Variants in ZBTB20 observed in about 807,000 individuals in gnomAD.
ZBTB20 encodes the protein zinc finger and BTB domain containing 20.
In ZBTB20, 9 loss-of-function variants were observed where a neutral mutation model predicts 56.9. The observed-to-expected ratio is 0.16, with a 90% confidence interval of 0.10 to 0.28. The LOEUF is 0.28. ZBTB20 is among the 10% of genes least tolerant of loss of function. The probability of loss-of-function intolerance (pLI) is 1.00; values close to 1 mark genes in which losing one functional copy is unlikely to be tolerated. For missense variants in ZBTB20, 655 were observed against 1,003.0 expected (o/e 0.65, Z 4.69); for synonymous variants, 417 against 420.7 (o/e 0.99, Z 0.11).
intron 2 of ZBTB20, among the ~76,000 whole-genome samples, chr3:114,979,967 C>T (rs1353620142): frequency 6.6e-6 from 1 of 151,898 alleles, no homozygotes; most frequent in Admixed American, 6.6e-5. Context: ...AGCTGGAGCT[C>T]GAGAGCAACA....
At chr3:114,551,090 C>G (rs906776582) in intron 6 of ZBTB20, among the ~76,000 whole-genome samples, 1 of 152,052 alleles carries the variant, frequency 6.6e-6, no homozygotes, top group Non-Finnish European at 1.5e-5. Context: ...GCATCTGAAA[C>G]AAGGGGGGTT....
At chr3:114,769,647 T>C (rs1317224291) in intron 5 of ZBTB20, among the ~76,000 whole-genome samples, 1 of 147,684 alleles carries the variant, frequency 6.8e-6, no homozygotes, top group Non-Finnish European at 1.5e-5. Flanking sequence ...GCATTTGCAG[T>C]GACCTGGATG....
chr3:114,501,350 C>A (rs1033891697), intron 6 of ZBTB20, among the ~76,000 whole-genome samples: 1 of 152,108 alleles, frequency 6.6e-6, no homozygotes, highest in Admixed American at 6.5e-5. Flanking sequence ...CCAGGCTAGG[C>A]GCGGTGGCTC....
intron 4 of ZBTB20, among the ~76,000 whole-genome samples, chr3:114,819,180 G>C (rs1031255093): frequency 6.6e-6 from 1 of 151,812 alleles, no homozygotes; most frequent in African/African-American, 2.4e-5. Flanking sequence ...ATATATGAAG[G>C]AATTTGGGGA....
chr3:114,893,488 G>A (rs2076895890), intron 4 of ZBTB20, among the ~76,000 whole-genome samples: 1 of 152,086 alleles, frequency 6.6e-6, no homozygotes, highest in Non-Finnish European at 1.5e-5. Context: ...TGTTTTCATT[G>A]GTAAGTTGGA....
intron 6 of ZBTB20, among the ~76,000 whole-genome samples, chr3:114,543,384 T>C (rs901841082): frequency 2.6e-5 from 4 of 152,184 alleles, no homozygotes; most frequent in African/African-American, 7.2e-5. Flanking sequence ...TCTCTCCCTA[T>C]GTTAAAGCAA....
chr3:114,982,691 T>C (rs1446350624), intron 2 of ZBTB20, among the ~76,000 whole-genome samples: 1 of 152,064 alleles, frequency 6.6e-6, no homozygotes, highest in Non-Finnish European at 1.5e-5. Context: ...CAAAGTCCTG[T>C]GGGTACATGT....
intron 7 of ZBTB20, among the ~76,000 whole-genome samples, chr3:114,499,401 C>T (rs1024484781): frequency 2.0e-5 from 3 of 152,182 alleles, no homozygotes; most frequent in Non-Finnish European, 4.4e-5. Flanking sequence ...GCCATGGGAA[C>T]CTCCATTCTG....
chr3:114,770,364 C>T (rs2069111717), intron 5 of ZBTB20, among the ~76,000 whole-genome samples: 1 of 151,078 alleles, frequency 6.6e-6, no homozygotes, highest in Non-Finnish European at 1.5e-5. Context: ...CACTTGAACC[C>T]AGGAGGCAGT....
intron 5 of ZBTB20, among the ~76,000 whole-genome samples, chr3:114,706,890 C>T (rs1230609971): frequency 6.6e-6 from 1 of 151,906 alleles, no homozygotes; most frequent in Non-Finnish European, 1.5e-5. Context: ...AAGCAAAGAA[C>T]AAACCATACA....
chr3:114,978,891 A>T (rs1433413908), intron 2 of ZBTB20, among the ~76,000 whole-genome samples: 2 of 151,904 alleles, frequency 1.3e-5, no homozygotes, highest in African/African-American at 2.4e-5. Context: ...GAAAAATTTA[A>T]TTTATATTAT....
At chr3:114,767,883 G>T (rs1326003654) in intron 5 of ZBTB20, among the ~76,000 whole-genome samples, 1 of 152,060 alleles carries the variant, frequency 6.6e-6, no homozygotes, top group African/African-American at 2.4e-5. Flanking sequence ...GTGGTCCTTT[G>T]AGAATAAATG....
chr3:114,675,077 T>C (rs2061554542), intron 6 of ZBTB20, among the ~76,000 whole-genome samples: 1 of 148,208 alleles, frequency 6.7e-6, no homozygotes, highest in African/African-American at 2.4e-5. Flanking sequence ...ATATATTATA[T>C]ATATTATATA....
intron 7 of ZBTB20, among the ~76,000 whole-genome samples, chr3:114,400,807 C>G (rs533314330): frequency 3.9e-5 from 6 of 152,136 alleles, no homozygotes; most frequent in African/African-American, 1.4e-4. Context: ...CAAAAAGGAT[C>G]CAGAATTAGC....
intron 3 of ZBTB20, among the ~76,000 whole-genome samples, chr3:114,970,806 C>G (rs1232779641): frequency 6.6e-6 from 1 of 152,064 alleles, no homozygotes; most frequent in Non-Finnish European, 1.5e-5. Context: ...ACGAGGTCAG[C>G]AGATCGAGAC....
At chr3:114,376,821 C>T (rs1237161292) in intron 10 of ZBTB20, among the ~76,000 whole-genome samples, 1 of 152,164 alleles carries the variant, frequency 6.6e-6, no homozygotes, top group African/African-American at 2.4e-5. Flanking sequence ...ATATCAGCTT[C>T]CAACAAAAGA....
intron 1 of ZBTB20, among the ~76,000 whole-genome samples, chr3:115,084,210 G>A (rs1332255307): frequency 6.8e-6 from 1 of 146,978 alleles, no homozygotes; most frequent in Non-Finnish European, 1.5e-5. Context: ...TAGGTAAGTA[G>A]CAACTGTCAC....
chr3:114,775,910 G>C (rs1023406054), intron 5 of ZBTB20, among the ~76,000 whole-genome samples: 5 of 152,096 alleles, frequency 3.3e-5, no homozygotes, highest in African/African-American at 1.2e-4. Flanking sequence ...ATGTGAACCA[G>C]GCCAAAGAAA....
chr3:114,568,275 C>T (rs980460408), intron 6 of ZBTB20, among the ~76,000 whole-genome samples: 1 of 152,150 alleles, frequency 6.6e-6, no homozygotes, highest in Admixed American at 6.5e-5. Flanking sequence ...TCCCTCTCCC[C>T]CCACGAAAAA....
Sources: gnomAD v4.1 joint callset for allele counts (sites outside exome capture counted in the v4.1 genomes callset) on GRCh38, gnomAD v4.1.1 for gene constraint, MANE v1.5 for transcripts, NCBI Gene and HGNC (gene_info 2026-07-23, HGNC 2026-07-21) for gene names.